The following PPP2CB variants were observed in gnomAD, a reference collection of about 807,000 sequenced individuals.
PPP2CB encodes the protein protein phosphatase 2 catalytic subunit beta, also known as serine/threonine-protein phosphatase 2A catalytic subunit beta isoform.
In PPP2CB, 18 loss-of-function variants were observed where a neutral mutation model predicts 39.1. The ratio of observed to expected loss-of-function variants is 0.46; its 90% confidence interval spans 0.32 to 0.68. The LOEUF is 0.68. Among genes scored for constraint, PPP2CB ranks in the 30% least tolerant of loss-of-function variants. The pLI, the probability that PPP2CB is intolerant of heterozygous loss-of-function variation, is 0.04. For missense variants in PPP2CB, 226 were observed against 396.9 expected (o/e 0.57, Z 3.66); for synonymous variants, 129 against 133.8 (o/e 0.96, Z 0.25).
intron 6 of PPP2CB, 81 bp from the exon 7 acceptor site, chr8:30,786,388 T>G: frequency 8.5e-7 from 1 of 1,174,454 alleles, no homozygotes; most frequent in East Asian, 2.6e-5. Context: ...GACACTGTAG[T>G]AGAAACAGCA....
intron 6 of PPP2CB, among the ~76,000 whole-genome samples, chr8:30,787,173 T>C (rs1806356992): frequency 6.6e-6 from 1 of 152,198 alleles, no homozygotes; most frequent in African/African-American, 2.4e-5. Flanking sequence ...TAGATCCAGG[T>C]TGCTGGTACG....
At chr8:30,794,537 G>T (rs1806488383) in intron 3 of PPP2CB, 2 of 354,478 alleles carry the variant, frequency 5.6e-6, no homozygotes, top group African/African-American at 2.6e-5. Context: ...CCCCATCCTT[G>T]GTACCTACCA....
At chr8:30,807,971 C>A (rs1806751878) in intron 1 of PPP2CB, among the ~76,000 whole-genome samples, 1 of 152,220 alleles carries the variant, frequency 6.6e-6, no homozygotes. Flanking sequence ...AAGCCAGACA[C>A]ACCATACCAT....
At chr8:30,797,018 A>ATTT (rs562532221) in intron 3 of PPP2CB, among the ~76,000 whole-genome samples, 1 of 147,126 alleles carries the variant, frequency 6.8e-6, no homozygotes, top group African/African-American at 2.5e-5. Context: ...TAATTTTTAA[A>ATTT]TTTTTTTTTT....
chr8:30,811,275 C>T (rs1261548168), intron 1 of PPP2CB, among the ~76,000 whole-genome samples: 2 of 152,164 alleles, frequency 1.3e-5, no homozygotes, highest in African/African-American at 4.8e-5. Context: ...CTGCAAAGTG[C>T]TATCGTGCAT....
Position 30,793,929 on chromosome 8 carries a change from C to T in PPP2CB, c.726G>A (p.Gln242=). 2 of 1,612,450 alleles carry T rather than the reference C, an allele frequency of 1.2e-6. No homozygotes were observed. Among genetic ancestry groups the T allele is most frequent in the Non-Finnish European group, 1.7e-6 (2 of 1,179,520 alleles). ...NGLTLVSRAH[Q]LVMEGYNWCH... is the part of the protein sequence containing the mutation. ...GGAAAGTACATACCTCCATTACAAG[C>T]TGGTGGGCACGAGAAACCAGTGTGA... Residue 242 remains glutamine (Q), a synonymous_variant, in exon 5 of 7, where the codon CAG becomes CAA. Coordinates refer to ENST00000221138, the MANE Select transcript of PPP2CB (RefSeq NM_001009552.2).
intron 6 of PPP2CB, among the ~76,000 whole-genome samples, chr8:30,789,887 G>A (rs944959101): frequency 1.5e-4 from 23 of 152,070 alleles, no homozygotes; most frequent in Non-Finnish European, 2.4e-4. Context: ...GGAGGACCAC[G>A]CTCTCTCTGA....
chr8:30,800,792 A>G (rs141448266), intron 1 of PPP2CB, among the ~76,000 whole-genome samples: 16 of 152,366 alleles, frequency 1.1e-4, no homozygotes, highest in African/African-American at 3.6e-4. Context: ...CAAGCTATTT[A>G]CCGAGTTTCC....
At chr8:30,811,801 T>C (rs146824491) in intron 1 of PPP2CB, among the ~76,000 whole-genome samples, 1 of 152,020 alleles carries the variant, frequency 6.6e-6, no homozygotes, top group Non-Finnish European at 1.5e-5. Flanking sequence ...CACGCCCGGC[T>C]TGAGTTAGTG....
At chr8:30,809,667 G>C (rs1371892325) in intron 1 of PPP2CB, among the ~76,000 whole-genome samples, 1 of 152,192 alleles carries the variant, frequency 6.6e-6, no homozygotes, top group African/African-American at 2.4e-5. Context: ...TGGGCTAGGA[G>C]TGGTGGCTCA....
At chr8:30,789,711 G>C (rs148049019) in intron 6 of PPP2CB, among the ~76,000 whole-genome samples, 1 of 152,168 alleles carries the variant, frequency 6.6e-6, no homozygotes, top group Admixed American at 6.5e-5. Context: ...ATGATGAGAG[G>C]TTGTGTTTAA....
intron 1 of PPP2CB, among the ~76,000 whole-genome samples, chr8:30,802,817 G>A (rs1430153025): frequency 2.6e-5 from 4 of 152,138 alleles, no homozygotes; most frequent in African/African-American, 9.7e-5. Flanking sequence ...ACAATATGGA[G>A]GAATCTTGGA....
chr8:30,810,304 A>T (rs1806804182), intron 1 of PPP2CB: 1 of 152,276 alleles, frequency 6.6e-6, no homozygotes, highest in Non-Finnish European at 1.5e-5. Context: ...TACAAAAATT[A>T]GCAGTGCATG....
intron 5 of PPP2CB, chr8:30,793,677 C>A: frequency 2.6e-6 from 1 of 378,234 alleles, no homozygotes; most frequent in Non-Finnish European, 4.8e-6. Flanking sequence ...CTGAATGAAG[C>A]ATACAGGGAA....
chr8:30,810,237 G>C (rs1806802629), intron 1 of PPP2CB: 1 of 152,314 alleles, frequency 6.6e-6, no homozygotes, highest in African/African-American at 2.4e-5. Context: ...GATCACTTCA[G>C]GCCAGGAGTT....
chr8:30,791,366 C>T, intron 5 of PPP2CB, 51 bp from the exon 6 acceptor site: 6 of 1,338,590 alleles, frequency 4.5e-6, no homozygotes, highest in Non-Finnish European at 6.3e-6. Context: ...ATGATTTTGA[C>T]ACAGACACAT....
rs1335384481 is a variant in PPP2CB, at chr8:30,786,014, T to TA, written c.*220dup. The TA allele has an allele frequency of 6.1e-6, 4 of 655,394 alleles. No individual in the cohort carries two copies. The highest frequency in any genetic ancestry group is 3.0e-5 in the East Asian group (1 of 33,328). The allele number at this position is 655,394 out of a possible 1,614,324, so 40.6% of individuals were successfully genotyped here. On this transcript the variant is annotated 3_prime_UTR_variant, in exon 7 of 7. Coordinates refer to ENST00000221138, the MANE Select transcript of PPP2CB (RefSeq NM_001009552.2). ...ACTATAAATACAGCAGGCAAACTGT[T>TA]AGACTGACCTAGAACATAGTGTACT...
At chr8:30,803,819 A>T (rs758220474) in intron 1 of PPP2CB, among the ~76,000 whole-genome samples, 18 of 145,290 alleles carry the variant, frequency 1.2e-4, no homozygotes, top group Non-Finnish European at 2.4e-4. Flanking sequence ...ACAAAATACA[A>T]TTTTTTTTTT....
intron 6 of PPP2CB, among the ~76,000 whole-genome samples, chr8:30,787,539 C>A (rs1806364078): frequency 6.6e-6 from 1 of 152,070 alleles, no homozygotes; most frequent in Non-Finnish European, 1.5e-5. Flanking sequence ...AGGGTTTTAC[C>A]ATGTTACCCA....
Sources: allele counts gnomAD v4.1 joint callset (sites outside exome capture counted in the v4.1 genomes callset), GRCh38; gene constraint gnomAD v4.1.1; transcripts MANE v1.5; gene names NCBI Gene and HGNC (gene_info 2026-07-23, HGNC 2026-07-21).